NKAIN2: variants seen among roughly 807,000 people sequenced by gnomAD.
NKAIN2 encodes sodium/potassium-transporting ATPase subunit beta-1-interacting protein 2.
Under a neutral mutation model 32.6 loss-of-function variants are expected in NKAIN2, and 14 were observed. The observed-to-expected ratio is 0.43, with a 90% CI of 0.28 to 0.67. The LOEUF is 0.67. Among genes scored for constraint, NKAIN2 ranks in the 30% least tolerant of loss-of-function variants. The probability of loss-of-function intolerance (pLI) is 0.17; values close to 1 mark genes in which losing one functional copy is unlikely to be tolerated. For missense variants in NKAIN2, 198 were observed against 258.3 expected (o/e 0.77, Z 1.60); for synonymous variants, 80 against 87.2 (o/e 0.92, Z 0.46).
intron 1 of NKAIN2, among the ~76,000 whole-genome samples, chr6:124,017,288 TG>T (rs1249290786): frequency 6.6e-6 from 1 of 152,114 alleles, no homozygotes; most frequent in Non-Finnish European, 1.5e-5. Context: ...CCACGACATG[TG>T]GGAGCTATGG....
chr6:124,310,997 A>G (rs1796689203), intron 2 of NKAIN2, among the ~76,000 whole-genome samples: 1 of 152,186 alleles, frequency 6.6e-6, no homozygotes, highest in African/African-American at 2.4e-5. Flanking sequence ...ATTCCTAACT[A>G]AAGTTGTTTG....
rs191170810 is a variant in NKAIN2, at chr6:124,107,643, G to A, written c.55-175362G>A. 9.9e-5 allele frequency among the ~76,000 whole-genome samples: 15 copies of A among 152,160 alleles called. 1 individual carries two copies. Among genetic ancestry groups the A allele is most frequent in the Admixed American group, 8.5e-4 (13 of 15,272 alleles). On this transcript the variant is annotated intron_variant, in intron 1 of 6. Transcript: ENST00000368417. ...AACGTTGCATGCAGATCTCTAGGACGTATTCATCTTACATAACTGAAATTT... is the reference window on the plus strand; with the variant it reads ...AACGTTGCATGCAGATCTCTAGGACATATTCATCTTACATAACTGAAATTT...
chr6:124,236,958 A>C (rs1208950309), intron 1 of NKAIN2, among the ~76,000 whole-genome samples: 1 of 152,200 alleles, frequency 6.6e-6, no homozygotes, highest in African/African-American at 2.4e-5. Flanking sequence ...AAAGGAACAT[A>C]TAAAATATTG....
chr6:124,064,227 A>G (rs1425042790), intron 1 of NKAIN2, among the ~76,000 whole-genome samples: 1 of 152,170 alleles, frequency 6.6e-6, no homozygotes, highest in East Asian at 1.9e-4. Context: ...AAAACATATA[A>G]TGTTAACTTA....
intron 3 of NKAIN2, among the ~76,000 whole-genome samples, chr6:124,605,870 T>C (rs1258819742): frequency 1.3e-5 from 2 of 152,000 alleles, no homozygotes; most frequent in Non-Finnish European, 2.9e-5. Flanking sequence ...TTTACAGATA[T>C]TAGGGAGCAG....
chr6:124,369,223 C>T (rs1022429515), intron 3 of NKAIN2, among the ~76,000 whole-genome samples: 1 of 152,226 alleles, frequency 6.6e-6, no homozygotes, highest in African/African-American at 2.4e-5. Flanking sequence ...AATTTTTATT[C>T]TGTCCCCCAT....
At chr6:124,198,580 T>C (rs1554265400) in intron 1 of NKAIN2, among the ~76,000 whole-genome samples, 1 of 151,990 alleles carries the variant, frequency 6.6e-6, no homozygotes, top group Non-Finnish European at 1.5e-5. Context: ...ACAATAACTC[T>C]GAGTTTTTTC....
intron 1 of NKAIN2, among the ~76,000 whole-genome samples, chr6:123,904,270 A>G (rs537036510): frequency 3.3e-5 from 5 of 152,252 alleles, no homozygotes; most frequent in African/African-American, 1.2e-4. Flanking sequence ...AGAAATGACC[A>G]ATTAAGTGTA....
intron 2 of NKAIN2, among the ~76,000 whole-genome samples, chr6:124,349,668 T>C (rs1359917952): frequency 6.6e-6 from 1 of 152,218 alleles, no homozygotes; most frequent in Non-Finnish European, 1.5e-5. Context: ...TTCTTAGTCT[T>C]ATACTACCTT....
intron 1 of NKAIN2, among the ~76,000 whole-genome samples, chr6:123,990,071 C>A (rs1779345252): frequency 6.6e-6 from 1 of 152,120 alleles, no homozygotes; most frequent in Non-Finnish European, 1.5e-5. Flanking sequence ...CACAGAATGG[C>A]AGGATGGAGT....
intron 1 of NKAIN2, among the ~76,000 whole-genome samples, chr6:123,910,499 G>GTGTTTTTTTTTTTTTTTTT (rs1491095246): frequency 2.6e-4 from 21 of 81,316 alleles, no homozygotes; most frequent in African/African-American, 1.1e-3. Flanking sequence ...TGCAATGCAT[G>GTGTTTTTTTTTTTTTTTTT]TTTTTTTTTT....
intron 1 of NKAIN2, among the ~76,000 whole-genome samples, chr6:124,034,857 T>G (rs1781543258): frequency 6.6e-6 from 1 of 152,104 alleles, no homozygotes; most frequent in South Asian, 2.1e-4. Flanking sequence ...TAATTTATAT[T>G]TCTCTGAAGA....
chr6:123,829,782 T>C (rs2114909575), intron 1 of NKAIN2, among the ~76,000 whole-genome samples: 1 of 152,316 alleles, frequency 6.6e-6, no homozygotes, highest in South Asian at 2.1e-4. Context: ...CTGTGACACA[T>C]TCAACGTAAC....
chr6:124,129,963 G>A (rs954788304), intron 1 of NKAIN2, among the ~76,000 whole-genome samples: 1 of 152,120 alleles, frequency 6.6e-6, no homozygotes, highest in Non-Finnish European at 1.5e-5. Context: ...CTTATCTCAT[G>A]TACAATATGG....
chr6:124,481,311 G>C (rs916129744), intron 3 of NKAIN2, among the ~76,000 whole-genome samples: 1 of 151,642 alleles, frequency 6.6e-6, no homozygotes, highest in Non-Finnish European at 1.5e-5. Flanking sequence ...AATACCCTTG[G>C]GTCCCAGATG....
At chr6:123,977,232 T>A (rs1778685534) in intron 1 of NKAIN2, among the ~76,000 whole-genome samples, 1 of 152,138 alleles carries the variant, frequency 6.6e-6, no homozygotes, top group East Asian at 1.9e-4. Flanking sequence ...TGACTTTAAA[T>A]CAGTATACTA....
chr6:124,374,564 C>A (rs1258319651), intron 3 of NKAIN2, among the ~76,000 whole-genome samples: 1 of 152,088 alleles, frequency 6.6e-6, no homozygotes, highest in Non-Finnish European at 1.5e-5. Context: ...ATTCAGAGAC[C>A]TGACTAGCGA....
intron 1 of NKAIN2, among the ~76,000 whole-genome samples, chr6:124,115,440 G>A (rs1339236181): frequency 6.6e-6 from 1 of 152,062 alleles, no homozygotes; most frequent in East Asian, 1.9e-4. Flanking sequence ...CGAAGTTCAA[G>A]CCTTATCACA....
chr6:123,997,597 CTTTTTTTTTTT>C (rs545393601), intron 1 of NKAIN2, among the ~76,000 whole-genome samples: 3 of 98,246 alleles, frequency 3.1e-5, no homozygotes, highest in East Asian at 3.4e-4. Flanking sequence ...GGAGTTTATT[CTTTTTTTTTTT>C]TTTTTTTTTT....
Sources: allele counts gnomAD v4.1 joint callset (sites outside exome capture counted in the v4.1 genomes callset), GRCh38; gene constraint gnomAD v4.1.1; transcripts MANE v1.5; gene names NCBI Gene and HGNC (gene_info 2026-07-23, HGNC 2026-07-21).